The following DNAH11 variants were observed in gnomAD, a reference collection of about 807,000 sequenced individuals.
The protein encoded by DNAH11 is dynein axonemal heavy chain 11, also known as axonemal beta dynein heavy chain 11.
Under a neutral mutation model 526.0 loss-of-function variants are expected in DNAH11, and 442 were observed. The observed-to-expected ratio is 0.84, with a 90% CI of 0.78 to 0.91. DNAH11 has a LOEUF of 0.91. Among genes scored for constraint, DNAH11 ranks in the 40% least tolerant of loss-of-function variants. The pLI is 0.00. For synonymous variants in DNAH11, 2,461 were observed against 1,935.9 expected, an observed-to-expected ratio of 1.27 and a Z score of -7.12; for missense variants, 6,989 against 5,448.7, an observed-to-expected ratio of 1.28 and a Z score of -8.90.
chr7:21,681,718 C>G (rs772197059), intron 31 of DNAH11, 41 bp downstream of exon 31: 2 of 1,611,818 alleles, frequency 1.2e-6, no homozygotes. Context: ...ATTATTGTTT[C>G]CTGAAAGTGG....
At chr7:21,567,739 G>A (rs547599714) in intron 6 of DNAH11, among the ~76,000 whole-genome samples, 1 of 152,330 alleles carries the variant, frequency 6.6e-6, no homozygotes, top group African/African-American at 2.4e-5. Flanking sequence ...GAAACTCTTT[G>A]TTACTTTAAA....
intron 74 of DNAH11, among the ~76,000 whole-genome samples, chr7:21,877,040 A>G (rs1783741792): frequency 6.6e-6 from 1 of 152,130 alleles, no homozygotes; most frequent in Non-Finnish European, 1.5e-5. Context: ...CTGTGGTCCA[A>G]TCTTGTTAAA....
At chr7:21,716,745 A>G (rs1784681013) in intron 42 of DNAH11, among the ~76,000 whole-genome samples, 1 of 152,160 alleles carries the variant, frequency 6.6e-6, no homozygotes, top group Non-Finnish European at 1.5e-5. Flanking sequence ...GGGACATTCT[A>G]TCAGGCTACT....
intron 65 of DNAH11, among the ~76,000 whole-genome samples, chr7:21,829,773 A>G (rs1790466405): frequency 6.6e-6 from 1 of 152,178 alleles, no homozygotes; most frequent in Non-Finnish European, 1.5e-5. Flanking sequence ...AGAATTTCAG[A>G]TAATAATCTC....
intron 14 of DNAH11, among the ~76,000 whole-genome samples, chr7:21,593,912 C>T (rs1010561185): frequency 1.3e-5 from 2 of 151,690 alleles, no homozygotes; most frequent in Non-Finnish European, 2.9e-5. Flanking sequence ...CAAAATCTCT[C>T]TCTCTCTAAC....
intron 61 of DNAH11, among the ~76,000 whole-genome samples, chr7:21,790,079 G>A (rs1248125362): frequency 1.3e-5 from 2 of 151,738 alleles, no homozygotes; most frequent in African/African-American, 2.4e-5. Flanking sequence ...TTCTTAGGTA[G>A]AACTGTGGGG....
chr7:21,613,252 T>C (rs551053617), intron 20 of DNAH11, among the ~76,000 whole-genome samples: 3 of 152,302 alleles, frequency 2.0e-5, no homozygotes, highest in African/African-American at 7.2e-5. Flanking sequence ...CAAACATAAA[T>C]TTTAACATTT....
intron 20 of DNAH11, among the ~76,000 whole-genome samples, chr7:21,612,771 G>T (rs1210116253): frequency 1.3e-5 from 2 of 152,002 alleles, no homozygotes; most frequent in African/African-American, 4.8e-5. Context: ...CGTACATATA[G>T]ATACAAACAT....
At chr7:21,840,511 G>A (rs934065643) in intron 65 of DNAH11, among the ~76,000 whole-genome samples, 1 of 152,048 alleles carries the variant, frequency 6.6e-6, no homozygotes, top group Non-Finnish European at 1.5e-5. Flanking sequence ...ATGCCTCTAG[G>A]CCTCATAAGA....
chr7:21,638,795 G>T, intron 27 of DNAH11, 144 bp from the exon 28 acceptor site: 6 of 864,276 alleles, frequency 6.9e-6, no homozygotes, highest in South Asian at 1.8e-5. Flanking sequence ...GATAGATGAT[G>T]GTGTAAAAAA....
rs756100085 is a variant in DNAH11, at chr7:21,894,744, G to A, written c.12872G>A (p.Arg4291Lys). The change falls in exon 78 of 82, where the codon AGG (arginine) becomes AAG (lysine). Residue 4291 changes from arginine to lysine, a missense_variant. Physicochemically the swap from Arg to Lys is conservative, Grantham distance 26. Transcript: ENST00000409508. ...CTTGTTTGCTTCCAAGAATGTGAGAGGATGAATATTCTCATTCGGGAAATA... is the reference window on the plus strand; with the variant it reads ...CTTGTTTGCTTCCAAGAATGTGAGAAGATGAATATTCTCATTCGGGAAATA... Reference protein sequence around the residue: ...YVLVCFQECERMNILIREIRI... With the variant: ...YVLVCFQECEKMNILIREIRI... 2.5e-6 allele frequency: 4 copies of A among 1,612,630 alleles called. No individual in the cohort carries two copies. The East Asian group carries it at 6.7e-5, about 27-fold the overall frequency.
At chr7:21,832,888 C>A (rs1300777069) in intron 65 of DNAH11, among the ~76,000 whole-genome samples, 1 of 152,108 alleles carries the variant, frequency 6.6e-6, no homozygotes, top group African/African-American at 2.4e-5. Context: ...ATTTGTCAAC[C>A]CCTGCTCTAG....
Position 21,705,479 on chromosome 7 carries a change from T to C in DNAH11, c.6488T>C (p.Leu2163Pro). 6.2e-7 allele frequency: 1 copy of C among 1,613,724 alleles called. No individual in the cohort carries two copies. Among genetic ancestry groups the C allele is most frequent in the South Asian group, 1.1e-5 (1 of 91,068 alleles). The change falls in exon 39 of 82, where the codon CTG becomes CCG. Residue 2163 changes from leucine (L) to proline (P), a missense_variant. Physicochemically the swap from Leu to Pro is moderately conservative, Grantham distance 98 (BLOSUM62 -3). Transcript: ENST00000409508. ...FILKVVQLEE[L>P]LAVRHSVFVV... is the part of the protein sequence containing the mutation. The stretch of plus-strand genomic sequence containing the variant: ...CTGCAGGTTGTCCAGCTTGAGGAAC[T>C]GTTGGCTGTGCGGCACTCGGTCTTT...
Position 21,779,099 on chromosome 7 carries a change from C to T in DNAH11, c.9478C>T (p.Arg3160Ter), listed in dbSNP as rs1787819788. 1 of 1,611,708 alleles carries T rather than the reference C, an allele frequency of 6.2e-7. No individual in the cohort carries two copies. Among genetic ancestry groups the T allele is most frequent in the Non-Finnish European group, 8.5e-7 (1 of 1,178,386 alleles). ...AAAGACCATCGCTGATGCTGAGGAG[C>T]GAAAGGTCAGGCTAATTCCAACATT... ...REKTIADAEE[R>*]KVTAIQTEVF... Residue 3160 changes from arginine (R) to a stop codon, truncating the protein, a stop_gained, in exon 57 of 82, where the codon CGA becomes TGA. Coordinates refer to ENST00000409508, the MANE Select transcript of DNAH11 (RefSeq NM_001277115.2). LOFTEE classifies it high-confidence loss of function.
intron 2 of DNAH11, among the ~76,000 whole-genome samples, chr7:21,554,600 T>G (rs181741785): frequency 2.0e-5 from 3 of 152,322 alleles, no homozygotes; most frequent in African/African-American, 7.2e-5. Context: ...ATCATTCCCC[T>G]TTCTTTTCCT....
In DNAH11 at chr7:21,773,889, G is replaced by C. The variant is rs1410033418; in HGVS notation, c.9226G>C (p.Glu3076Gln). The C allele has an allele frequency of 1.2e-6, 2 of 1,602,208 alleles. No homozygotes were observed. Among genetic ancestry groups the C allele is most frequent in the Admixed American group, 3.4e-5 (2 of 58,590 alleles). ...CTATACCACCCCAAAGAGTTTTCTAGAACAAATATCACTGTTTAAGAACCT... is the reference window on the plus strand; with the variant it reads ...CTATACCACCCCAAAGAGTTTTCTACAACAAATATCACTGTTTAAGAACCT... ...HNYTTPKSFL[E>Q]QISLFKNLLK... Residue 3076 changes from glutamate to glutamine, a missense_variant, in exon 56 of 82, where the codon GAA (glutamate) becomes CAA (glutamine). Transcript: ENST00000409508.
At position 21,752,121 on chromosome 7, in the gene DNAH11, G is replaced by T. The variant is rs995558596; in HGVS notation, c.8940+1757G>T. Among the ~76,000 whole-genome samples, 25 of 152,376 alleles carry T rather than the reference G, an allele frequency of 1.6e-4. No individual in the cohort carries two copies. In the Middle Eastern group the frequency reaches 0.014, roughly 83 times the overall value. On this transcript the variant is annotated intron_variant, in intron 54 of 81. Transcript: ENST00000409508. Reference sequence around the variant, plus strand: ...CTTAACAAGGCCTCCAAGTGATTCAGAGGCATGATGAAATTTAAGAGCCAT... The same window carrying T: ...CTTAACAAGGCCTCCAAGTGATTCATAGGCATGATGAAATTTAAGAGCCAT...
intron 25 of DNAH11, among the ~76,000 whole-genome samples, chr7:21,623,126 A>C (rs1277740871): frequency 6.6e-6 from 1 of 151,856 alleles, no homozygotes; most frequent in Non-Finnish European, 1.5e-5. Flanking sequence ...TTACAAGAAA[A>C]AAACAACCCC....
At chr7:21,576,596 T>A (rs1784101893) in intron 8 of DNAH11, among the ~76,000 whole-genome samples, 1 of 152,222 alleles carries the variant, frequency 6.6e-6, no homozygotes, top group Admixed American at 6.5e-5. Flanking sequence ...GTAAGACAGA[T>A]GTTCTCCTTG....
Sources: allele counts gnomAD v4.1 joint callset (sites outside exome capture counted in the v4.1 genomes callset), GRCh38; gene constraint gnomAD v4.1.1; transcripts MANE v1.5; gene names NCBI Gene and HGNC (gene_info 2026-07-23, HGNC 2026-07-21).